Variants in FBXW10B observed in about 807,000 individuals in gnomAD.
FBXW10B encodes the protein F-box and WD repeat domain containing protein 10B.
chr17:15,595,739 TA>T, the FBXW10B span, among the ~76,000 whole-genome samples: 2 of 152,210 alleles, frequency 1.3e-5, no homozygotes, highest in East Asian at 3.9e-4. Context: ...CCGCTAAGGC[TA>T]GGGGTTCCGA....
chr17:15,572,340 GAGGTTC>G, the FBXW10B span: 1 of 152,178 alleles, frequency 6.6e-6, no homozygotes, highest in Non-Finnish European at 1.5e-5. Context: ...CCTATAAAAT[GAGGTTC>G]GTGCCTTCCA....
chr17:15,588,780 CA>C, the FBXW10B span: 1 of 840,832 alleles, frequency 1.2e-6, no homozygotes, highest in African/African-American at 1.7e-5. Context: ...TGTACTTTGT[CA>C]GTGCCGATTT....
the FBXW10B span, chr17:15,573,919 T>C: frequency 1.7e-5 from 8 of 461,954 alleles, no homozygotes; most frequent in African/African-American, 9.8e-5. Flanking sequence ...ACAAAATCAA[T>C]GCAATGACAT....
the FBXW10B span, chr17:15,593,587 C>T: frequency 6.9e-4 from 1,033 of 1,499,658 alleles, 2 homozygotes; most frequent in Middle Eastern, 4.2e-3. Flanking sequence ...TGTGATTGAG[C>T]GGCACTGGCC....
At chr17:15,567,544 G>C in the FBXW10B span, among the ~76,000 whole-genome samples, 5 of 152,182 alleles carry the variant, frequency 3.3e-5, no homozygotes, top group East Asian at 5.8e-4. Flanking sequence ...TGGACATTAA[G>C]TTTGTTAATG....
At chr17:15,615,870 G>C in the FBXW10B span, 1 of 1,609,990 alleles carries the variant, frequency 6.2e-7, no homozygotes, top group South Asian at 1.1e-5. Context: ...GGAAAATGAG[G>C]TGGAGAGAAA....
the FBXW10B span, among the ~76,000 whole-genome samples, chr17:15,615,141 G>C: frequency 6.6e-6 from 1 of 151,368 alleles, no homozygotes; most frequent in South Asian, 2.1e-4. Flanking sequence ...TTTAATCCTT[G>C]CTCCTCCCCT....
chr17:15,573,251 A>C, the FBXW10B span: 1 of 152,218 alleles, frequency 6.6e-6, no homozygotes, highest in Non-Finnish European at 1.5e-5. Context: ...CCTCACAGCC[A>C]GCACCAACAG....
At chr17:15,567,228 C>T in the FBXW10B span, among the ~76,000 whole-genome samples, 4 of 150,260 alleles carry the variant, frequency 2.7e-5, no homozygotes, top group South Asian at 4.2e-4. Context: ...GCCGAGATCA[C>T]GCCACTGCAC....
At chr17:15,589,196 T>C in the FBXW10B span, 1 of 1,613,542 alleles carries the variant, frequency 6.2e-7, no homozygotes, top group African/African-American at 1.3e-5. Context: ...TTAATTCTTT[T>C]AGCAAATGTG....
At chr17:15,577,679 G>A in the FBXW10B span, among the ~76,000 whole-genome samples, 16 of 152,052 alleles carry the variant, frequency 1.1e-4, no homozygotes, top group African/African-American at 3.9e-4. Flanking sequence ...CTCTTTTCAC[G>A]TAAGACGATG....
chr17:15,595,716 A>T, the FBXW10B span, among the ~76,000 whole-genome samples: 1 of 152,088 alleles, frequency 6.6e-6, no homozygotes, highest in African/African-American at 2.4e-5. Flanking sequence ...TGCAAATCAT[A>T]TATCAACACC....
the FBXW10B span, among the ~76,000 whole-genome samples, chr17:15,598,290 T>C: frequency 6.6e-6 from 1 of 151,966 alleles, no homozygotes; most frequent in African/African-American, 2.4e-5. Context: ...ATTATTTTTT[T>C]TTTCTCCTCA....
the FBXW10B span, among the ~76,000 whole-genome samples, chr17:15,615,341 T>TTTTTTTTTTTG: frequency 7.4e-6 from 1 of 134,322 alleles, no homozygotes; most frequent in African/African-American, 3.2e-5. Context: ...TTTTTTTTTT[T>TTTTTTTTTTTG]GAGACAGTCT....
At chr17:15,588,918 G>A in the FBXW10B span, 31 of 1,613,884 alleles carry the variant, frequency 1.9e-5, no homozygotes, top group Non-Finnish European at 2.6e-5. Context: ...TGACCTTGGG[G>A]GTGAATCCAC....
At chr17:15,566,721 C>T in the FBXW10B span, among the ~76,000 whole-genome samples, 3 of 151,450 alleles carry the variant, frequency 2.0e-5, no homozygotes, top group Non-Finnish European at 2.9e-5. Context: ...CCACCATGCC[C>T]GGCTAATTTT....
At chr17:15,592,600 C>T in the FBXW10B span, among the ~76,000 whole-genome samples, 5 of 151,988 alleles carry the variant, frequency 3.3e-5, 1 homozygote, top group South Asian at 6.2e-4. Flanking sequence ...CTCAGCTTTC[C>T]CCCACTGTAC....
the FBXW10B span, chr17:15,598,620 T>C: frequency 1.1e-5 from 18 of 1,613,126 alleles, no homozygotes; most frequent in East Asian, 3.6e-4. Context: ...CACCGAAGAT[T>C]CGTGTGCAAA....
chr17:15,570,985 A>T, the FBXW10B span, among the ~76,000 whole-genome samples: 1 of 152,258 alleles, frequency 6.6e-6, no homozygotes, highest in African/African-American at 2.4e-5. Context: ...AAATACAGAC[A>T]TGATGAAGAA....
Sources: gnomAD v4.1 joint callset for allele counts (sites outside exome capture counted in the v4.1 genomes callset) on GRCh38, gnomAD v4.1.1 for gene constraint, MANE v1.5 for transcripts, NCBI Gene and HGNC (gene_info 2026-07-23, HGNC 2026-07-21) for gene names.